The following MCEE variants were observed in gnomAD, a reference collection of about 807,000 sequenced individuals.
MCEE encodes the protein methylmalonyl-CoA epimerase.
Under a neutral mutation model 12.9 loss-of-function variants are expected in MCEE, and 6 were observed. That is an observed-to-expected ratio of 0.47 (90% CI 0.26 to 0.92). The LOEUF is 0.92. Among genes scored for constraint, MCEE ranks in the 40% least tolerant of loss-of-function variants. The pLI is 0.16. For synonymous variants in MCEE, 78 were observed against 77.9 expected, an observed-to-expected ratio of 1.00 and a Z score of -0.01; for missense variants, 214 against 212.1, an observed-to-expected ratio of 1.01 and a Z score of -0.05.
intron 2 of MCEE, 138 bp downstream of exon 2, chr2:71,124,068 G>C: frequency 3.0e-6 from 2 of 661,742 alleles, no homozygotes; most frequent in Non-Finnish European, 5.3e-6. Flanking sequence ...CCACCTTTGA[G>C]GAGGATGAAT....
intron 1 of MCEE, among the ~76,000 whole-genome samples, chr2:71,125,205 ATATATAT>A (rs1468165549): frequency 5.9e-4 from 25 of 42,660 alleles, no homozygotes; most frequent in African/African-American, 1.9e-3. Context: ...ATATATATAT[ATATATAT>A]TTTTTTTTTT....
In MCEE at chr2:71,130,191, G is replaced by A. The variant is rs1673340466; in HGVS notation, c.29C>T (p.Ala10Val). 1.2e-6 allele frequency: 2 copies of A among 1,608,466 alleles called. No individual in the cohort carries two copies. Among genetic ancestry groups the A allele is most frequent in the African/African-American group, 2.7e-5 (2 of 74,880 alleles). Residue 10 changes from alanine (A) to valine (V), a missense_variant, in exon 1 of 3, where the codon GCG becomes GTG. Physicochemically the swap from Ala to Val is moderately conservative, Grantham distance 64 (BLOSUM62 0). Coordinates refer to ENST00000244217, the MANE Select transcript of MCEE (RefSeq NM_032601.4). MARVLKAAA[A>V]NAVGLFSRLQ... ...TGCCCGGTATTCACCTACGGCATTC[G>A]CGGCTGCAGCCTTCAGCACCCGCGC...
intron 2 of MCEE, among the ~76,000 whole-genome samples, chr2:71,120,779 C>A (rs576879247): frequency 6.6e-6 from 1 of 151,676 alleles, no homozygotes; most frequent in South Asian, 2.1e-4. Context: ...GCTCTGTTGC[C>A]CAGGCTGGAG....
At chr2:71,127,835 A>G (rs965413011) in intron 1 of MCEE, among the ~76,000 whole-genome samples, 1 of 152,218 alleles carries the variant, frequency 6.6e-6, no homozygotes, top group Admixed American at 6.5e-5. Flanking sequence ...CATGTTGGCC[A>G]GGCTGGTCTT....
At chr2:71,128,854 G>A (rs1024434711) in intron 1 of MCEE, among the ~76,000 whole-genome samples, 16 of 151,736 alleles carry the variant, frequency 1.1e-4, no homozygotes, top group African/African-American at 3.9e-4. Context: ...GCCGGGCGTG[G>A]TGCCGGGTGC....
chr2:71,126,753 C>T (rs1049038647), intron 1 of MCEE, among the ~76,000 whole-genome samples: 3 of 152,080 alleles, frequency 2.0e-5, no homozygotes, highest in African/African-American at 7.2e-5. Flanking sequence ...TATATTTCTC[C>T]TTTGACTTGT....
intron 2 of MCEE, among the ~76,000 whole-genome samples, chr2:71,119,853 A>G (rs2103629438): frequency 6.7e-6 from 1 of 149,804 alleles, no homozygotes; most frequent in South Asian, 2.1e-4. Flanking sequence ...CAAGAGTTTG[A>G]GACCAGCCTG....
intron 1 of MCEE, among the ~76,000 whole-genome samples, chr2:71,127,470 T>G (rs1673259994): frequency 6.6e-6 from 1 of 152,252 alleles, no homozygotes; most frequent in African/African-American, 2.4e-5. Flanking sequence ...AATAATCACT[T>G]GTAATAGGTT....
rs570480465 is a variant in MCEE at position 71,120,350 on chromosome 2, A to G, written c.378+3856T>C. ...CAGGGAAGGTGACCCCCCTCTTGCC[A>G]TCGCAGGCAGCAGTTAGGAGCACAA... On this transcript the variant is annotated intron_variant, in intron 2 of 2. Coordinates refer to ENST00000244217, the MANE Select transcript of MCEE (RefSeq NM_032601.4). Among the ~76,000 whole-genome samples the G allele has an allele frequency of 6.7e-5, 10 of 150,228 alleles. 2 individuals carry two copies. The highest frequency in any genetic ancestry group is 2.3e-4 in the African/African-American group (9 of 39,674).
intron 2 of MCEE, among the ~76,000 whole-genome samples, chr2:71,111,627 T>C (rs1572885205): frequency 6.6e-6 from 1 of 152,206 alleles, no homozygotes; most frequent in South Asian, 2.1e-4. Context: ...GAAGCTCCGA[T>C]GAAGACATGA....
At chr2:71,126,140 G>C (rs1673227516) in intron 1 of MCEE, among the ~76,000 whole-genome samples, 1 of 152,202 alleles carries the variant, frequency 6.6e-6, no homozygotes, top group Non-Finnish European at 1.5e-5. Context: ...GTGAGTCACA[G>C]CACTAGGCCA....
chr2:71,111,144 T>G (rs1278185536), intron 2 of MCEE, among the ~76,000 whole-genome samples: 27 of 152,202 alleles, frequency 1.8e-4, no homozygotes, highest in Non-Finnish European at 1.5e-4. Flanking sequence ...ATGGCACATA[T>G]TCTACTTGTA....
At chr2:71,119,998 C>T (rs979148195) in intron 2 of MCEE, among the ~76,000 whole-genome samples, 1 of 149,308 alleles carries the variant, frequency 6.7e-6, no homozygotes, top group East Asian at 1.9e-4. Context: ...GGTTGCAGTG[C>T]GTAATGATTG....
At chr2:71,128,834 C>CA (rs1291370602) in intron 1 of MCEE, among the ~76,000 whole-genome samples, 20 of 151,344 alleles carry the variant, frequency 1.3e-4, no homozygotes, top group African/African-American at 4.4e-4. Flanking sequence ...ACTAAAAATG[C>CA]AAAAAATTAG....
Position 71,109,743 on chromosome 2 carries a change from T to C in MCEE, c.*227A>G, listed in dbSNP as rs1265323427. On this transcript the variant is annotated 3_prime_UTR_variant, in exon 3 of 3. Coordinates refer to ENST00000244217, the MANE Select transcript of MCEE (RefSeq NM_032601.4). ...TTAATAATGTTCCCTAAGTAATTAGTAATCAAGATTTTCTTCAAATTCAAA... is the reference window on the plus strand; with the variant it reads ...TTAATAATGTTCCCTAAGTAATTAGCAATCAAGATTTTCTTCAAATTCAAA... 2 of 303,874 alleles carry C rather than the reference T, an allele frequency of 6.6e-6. No homozygotes were observed. The highest frequency in any genetic ancestry group is 2.2e-5 in the African/African-American group (1 of 44,780). 18.8% of individuals were successfully genotyped at this position (303,874 alleles called of 1,614,324 possible). A position where few individuals can be genotyped will look rare whatever the true frequency, so the allele number is the denominator to read the frequency against.
chr2:71,121,434 A>AT (rs1368882456), intron 2 of MCEE, among the ~76,000 whole-genome samples: 6 of 152,152 alleles, frequency 3.9e-5, no homozygotes, highest in Non-Finnish European at 7.4e-5. Context: ...AAGCCACTTA[A>AT]TTTTTTTGTG....
chr2:71,125,213 T>TATATA (rs1472965941), intron 1 of MCEE, among the ~76,000 whole-genome samples: 2 of 40,354 alleles, frequency 5.0e-5, no homozygotes, highest in Admixed American at 2.8e-4. Context: ...ATATATATAT[T>TATATA]TTTTTTTTTT....
intron 1 of MCEE, among the ~76,000 whole-genome samples, chr2:71,128,505 G>T (rs1459829912): frequency 6.6e-6 from 1 of 151,268 alleles, no homozygotes; most frequent in East Asian, 2.0e-4. Context: ...ACACACAATG[G>T]AATATTATTC....
rs556372132 is a variant in MCEE at position 71,117,825 on chromosome 2, C to T, written c.378+6381G>A. Among the ~76,000 whole-genome samples, 5 of 150,238 alleles carry T rather than the reference C, an allele frequency of 3.3e-5. No individual in the cohort carries two copies. In the East Asian group the frequency reaches 9.7e-4, roughly 29 times the overall value. ...GGAAGCCAGGCTCCCATGATCCTTA[C>T]TACCTACTCATCTAACCAGCCCCTT... On this transcript the variant is annotated intron_variant, in intron 2 of 2. Transcript: ENST00000244217.
Sources: gnomAD v4.1 joint callset for allele counts (sites outside exome capture counted in the v4.1 genomes callset) on GRCh38, gnomAD v4.1.1 for gene constraint, MANE v1.5 for transcripts, NCBI Gene and HGNC (gene_info 2026-07-23, HGNC 2026-07-21) for gene names.